The following AZIN1 variants were observed in gnomAD, a reference collection of about 807,000 sequenced individuals.
AZIN1 encodes ornithine decarboxylase antizyme inhibitor.
In AZIN1, 12 loss-of-function variants were observed where a neutral mutation model predicts 47.4. The ratio of observed to expected loss-of-function variants is 0.25; its 90% CI spans 0.16 to 0.41. The LOEUF (loss-of-function observed/expected upper bound fraction) is 0.41, where lower values mean the gene tolerates loss of function less well. Among genes scored for constraint, AZIN1 ranks in the 10% least tolerant of loss-of-function variants. The pLI is 1.00. For synonymous variants in AZIN1, 155 were observed against 176.3 expected (o/e 0.88, Z 0.96); for missense variants, 410 against 532.4 (o/e 0.77, Z 2.26).
At position 102,843,676 on chromosome 8, in the gene AZIN1, A is replaced by G. The variant is rs1298943383; in HGVS notation, c.-24T>C. ...ATCTCAGCCGTATTCCACAAAGCCGAAAGTCATAAACCAGGAAAGACAAGA... is the reference window on the plus strand; with the variant it reads ...ATCTCAGCCGTATTCCACAAAGCCGGAAGTCATAAACCAGGAAAGACAAGA... On this transcript the variant is annotated 5_prime_UTR_variant, in exon 3 of 12. Coordinates refer to ENST00000337198, the MANE Select transcript of AZIN1 (RefSeq NM_148174.4). 6.2e-6 allele frequency: 10 copies of G among 1,613,754 alleles called. No homozygotes were observed. Among genetic ancestry groups the G allele is most frequent in the Non-Finnish European group, 7.6e-6 (9 of 1,179,904 alleles).
intron 1 of AZIN1, among the ~76,000 whole-genome samples, chr8:102,862,260 G>C (rs1813721734): frequency 6.6e-6 from 1 of 152,118 alleles, no homozygotes; most frequent in South Asian, 2.1e-4. Context: ...GCGGTACTGA[G>C]CTCTATTTAA....
At chr8:102,834,906 A>G in intron 6 of AZIN1, 159 bp from the exon 7 acceptor site, 2 of 567,232 alleles carry the variant, frequency 3.5e-6, no homozygotes, top group South Asian at 4.9e-5. Flanking sequence ...CTAATTACCC[A>G]AAAGTTACAG....
rs376864608 is a variant in AZIN1 at position 102,857,113 on chromosome 8, AG to A, written c.-96+899del. 4.4e-3 allele frequency among the ~76,000 whole-genome samples: 677 copies of A among 152,330 alleles called. 10 individuals are homozygous for A. Among genetic ancestry groups the A allele is most frequent in the African/African-American group, 0.015 (623 of 41,562 alleles). On this transcript the variant is annotated intron_variant, in intron 2 of 11. Coordinates refer to ENST00000337198, the MANE Select transcript of AZIN1 (RefSeq NM_148174.4). ...CCCTCTAGCCAACATTCTAAGTCAA[AG>A]GTTTCAAGAAATCTTACTATTTAAA...
At position 102,833,135 on chromosome 8, in the gene AZIN1, G is replaced by A. The variant is rs761647865; in HGVS notation, c.825C>T (p.Tyr275=). 6.2e-7 allele frequency: 1 copy of A among 1,613,128 alleles called. No homozygotes were observed. The highest frequency in any genetic ancestry group is 1.1e-5 in the South Asian group (1 of 91,066). The part of the protein sequence containing the change: ...GVKIISEPGS[Y]YVSSAFTLAV... Reference sequence around the variant, plus strand: ...CGAGTGTAAATGCAGAAGACACATAGTAGCTTCCGGGTTCTGAAATTATCT... The same window carrying A: ...CGAGTGTAAATGCAGAAGACACATAATAGCTTCCGGGTTCTGAAATTATCT... Residue 275 remains tyrosine, a synonymous_variant, in exon 9 of 12, where the codon TAC becomes TAT. Coordinates refer to ENST00000337198, the MANE Select transcript of AZIN1 (RefSeq NM_148174.4).
intron 2 of AZIN1, among the ~76,000 whole-genome samples, chr8:102,848,266 T>A (rs1366458925): frequency 7.6e-6 from 1 of 131,690 alleles, no homozygotes. Context: ...GTCATTAAGC[T>A]ACCCATGCCT....
rs1811138799 is a variant in AZIN1, at chr8:102,826,824, T to C, written c.*1743A>G. ...GAAACAGTTCCCCCTCCTTGTTAAA[T>C]GGTTAAAAAAAGTTACATGGTAGCT... On this transcript the variant is annotated 3_prime_UTR_variant, in exon 12 of 12. Coordinates refer to ENST00000337198, the MANE Select transcript of AZIN1 (RefSeq NM_148174.4). 6.6e-6 allele frequency: 1 copy of C among 152,496 alleles called. No homozygotes were observed. Among genetic ancestry groups the C allele is most frequent in the Non-Finnish European group, 1.5e-5 (1 of 67,982 alleles). The allele number at this position is 152,496 out of a possible 1,614,324, so 9.4% of individuals were successfully genotyped here. A position where few individuals can be genotyped will look rare whatever the true frequency, so the allele number is the denominator to read the frequency against.
At chr8:102,848,297 T>A (rs4734672) in intron 2 of AZIN1, among the ~76,000 whole-genome samples, 14,945 of 122,506 alleles carry the variant, frequency 0.12, 1,092 homozygotes, top group Admixed American at 0.29. Context: ...AGCTCAACTA[T>A]CAGCTACTGT....
At chr8:102,857,248 A>G (rs1184325523) in intron 2 of AZIN1, among the ~76,000 whole-genome samples, 1 of 152,214 alleles carries the variant, frequency 6.6e-6, no homozygotes, top group East Asian at 1.9e-4. Flanking sequence ...GGATCTGTTT[A>G]ACAAGATCAG....
chr8:102,860,392 A>T (rs993257827), intron 1 of AZIN1, among the ~76,000 whole-genome samples: 7 of 152,132 alleles, frequency 4.6e-5, no homozygotes, highest in African/African-American at 1.7e-4. Context: ...CCTTCCGAGT[A>T]GCTCGGATTA....
intron 1 of AZIN1, among the ~76,000 whole-genome samples, chr8:102,861,583 G>T (rs1250498564): frequency 6.6e-6 from 1 of 152,030 alleles, no homozygotes; most frequent in Non-Finnish European, 1.5e-5. Context: ...CTACTACTCA[G>T]CAACACAAAT....
At chr8:102,854,621 TATA>T (rs1304181090) in intron 2 of AZIN1, 2 of 139,358 alleles carry the variant, frequency 1.4e-5, no homozygotes, top group African/African-American at 5.3e-5. Context: ...TATATATATA[TATA>T]TATTTTTTTT....
intron 4 of AZIN1, 80 bp from the exon 5 acceptor site, chr8:102,838,996 C>A: frequency 7.9e-7 from 1 of 1,272,202 alleles, no homozygotes; most frequent in South Asian, 1.5e-5. Context: ...ACTATTACCC[C>A]CACCCCTTTT....
At chr8:102,854,361 G>GA (rs1813130623) in intron 2 of AZIN1, 3 of 151,782 alleles carry the variant, frequency 2.0e-5, no homozygotes, top group Non-Finnish European at 4.4e-5. Context: ...AGCATTTTGG[G>GA]AGGCAAGGGG....
At chr8:102,862,946 G>C (rs951568607) in intron 1 of AZIN1, among the ~76,000 whole-genome samples, 1 of 152,230 alleles carries the variant, frequency 6.6e-6, no homozygotes, top group Non-Finnish European at 1.5e-5. Context: ...GACAGTAGTT[G>C]ATAAGCCACC....
At chr8:102,858,651 A>G (rs1445859835) in intron 1 of AZIN1, among the ~76,000 whole-genome samples, 1 of 152,216 alleles carries the variant, frequency 6.6e-6, no homozygotes, top group Non-Finnish European at 1.5e-5. Context: ...AATCCACCAC[A>G]ATACCAAAAG....
rs766602236 is a variant in AZIN1 at position 102,829,830 on chromosome 8, C to T, written c.1011G>A (p.Glu337=). 1.9e-6 allele frequency: 3 copies of T among 1,608,562 alleles called. No homozygotes were observed. Among genetic ancestry groups the T allele is most frequent in the Non-Finnish European group, 2.5e-6 (3 of 1,176,842 alleles). The change falls in exon 10 of 12, where the codon GAG becomes GAA. Residue 337 remains glutamate (E), a synonymous_variant. Transcript: ENST00000337198. The part of the protein sequence containing the change: ...KLSEDLNTIP[E]VHKKYKEDEP... The stretch of plus-strand genomic sequence containing the variant: ...TTCTGATAAAACTTGCCTTGTGAAC[C>T]TCTGGAATGGTATTTAAGTCCTCAG...
At chr8:102,849,537 G>GA (rs145145489) in intron 2 of AZIN1, among the ~76,000 whole-genome samples, 39 of 148,520 alleles carry the variant, frequency 2.6e-4, no homozygotes, top group Non-Finnish European at 3.7e-4. Flanking sequence ...TATTAAACTT[G>GA]AAAAAAAAAC....
intron 2 of AZIN1, among the ~76,000 whole-genome samples, chr8:102,844,693 A>G (rs1382915687): frequency 6.6e-6 from 1 of 152,200 alleles, no homozygotes; most frequent in East Asian, 1.9e-4. Context: ...AGTGCTGGCT[A>G]GAATAGAGCT....
chr8:102,861,206 A>G (rs2131292909), intron 1 of AZIN1, among the ~76,000 whole-genome samples: 1 of 152,176 alleles, frequency 6.6e-6, no homozygotes, highest in South Asian at 2.1e-4. Context: ...GATACTCCAA[A>G]ATAAAGTTTA....
Sources: gnomAD v4.1 joint callset for allele counts (sites outside exome capture counted in the v4.1 genomes callset) on GRCh38, gnomAD v4.1.1 for gene constraint, MANE v1.5 for transcripts, NCBI Gene and HGNC (gene_info 2026-07-23, HGNC 2026-07-21) for gene names.